The following FGD5 variants were observed in gnomAD, a reference collection of about 807,000 sequenced individuals.
The protein encoded by FGD5 is FYVE, RhoGEF and PH domain containing 5.
In FGD5, 28 loss-of-function variants were observed where a neutral mutation model predicts 133.4. The ratio of observed to expected loss-of-function variants is 0.21; its 90% CI spans 0.16 to 0.29. FGD5 has a LOEUF of 0.29. FGD5 is among the 10% of genes least tolerant of loss of function. The pLI is 1.00. For synonymous variants in FGD5, 810 were observed against 776.5 expected, an observed-to-expected ratio of 1.04 and a Z score of -0.72; for missense variants, 1,858 against 1,895.2, an observed-to-expected ratio of 0.98 and a Z score of 0.36.
At position 14,826,772 on chromosome 3, in the gene FGD5, T is replaced by TCA. The variant is rs141958575; in HGVS notation, c.2525+5191_2525+5192dup. 2.1e-3 allele frequency among the ~76,000 whole-genome samples: 325 copies of TCA among 151,650 alleles called. 7 individuals are homozygous for TCA. The East Asian group carries it at 0.051, about 24-fold the overall frequency. On this transcript the variant is annotated intron_variant, in intron 1 of 19. Transcript: ENST00000285046. ...ATTTCTGTCTGTCTGTCTGTCTCTCTCACACACACACACACAACGACTGTT... is the reference window on the plus strand; with the variant it reads ...ATTTCTGTCTGTCTGTCTGTCTCTCTCACACACACACACACACAACGACTGTT...
intron 17 of FGD5, among the ~76,000 whole-genome samples, chr3:14,925,564 T>C (rs887171733): frequency 2.6e-5 from 4 of 152,112 alleles, no homozygotes; most frequent in African/African-American, 7.2e-5. Flanking sequence ...ACATAAAGCC[T>C]GTGGACAGAA....
chr3:14,907,844 T>C, intron 10 of FGD5, 133 bp downstream of exon 10: 1 of 846,164 alleles, frequency 1.2e-6, no homozygotes, highest in Non-Finnish European at 1.8e-6. Flanking sequence ...GGCAGGCGGG[T>C]GGGCGTGGGC....
At chr3:14,918,647 C>T (rs897344753) in intron 12 of FGD5, 107 bp from the exon 13 acceptor site, 12 of 1,101,564 alleles carry the variant, frequency 1.1e-5, no homozygotes, top group Middle Eastern at 2.6e-4. Context: ...GGCTAGAGAA[C>T]GGCAGTAGGT....
chr3:14,823,086 T>G (rs1221612431), intron 1 of FGD5, among the ~76,000 whole-genome samples: 1 of 152,078 alleles, frequency 6.6e-6, no homozygotes, highest in Non-Finnish European at 1.5e-5. Context: ...TGAGTTTAGT[T>G]TGGAGAATGT....
At chr3:14,881,243 G>C (rs1402922742) in intron 4 of FGD5, among the ~76,000 whole-genome samples, 1 of 152,146 alleles carries the variant, frequency 6.6e-6, no homozygotes, top group African/African-American at 2.4e-5. Context: ...TGCCTGAGCT[G>C]GTGGTGAGGG....
intron 4 of FGD5, among the ~76,000 whole-genome samples, chr3:14,892,638 T>C (rs998229261): frequency 6.6e-6 from 1 of 152,074 alleles, no homozygotes; most frequent in Non-Finnish European, 1.5e-5. Flanking sequence ...GCCAACATGG[T>C]GAAACTCTGT....
At chr3:14,897,311 C>T in intron 4 of FGD5, 198 bp from the exon 5 acceptor site, 1 of 607,550 alleles carries the variant, frequency 1.6e-6, no homozygotes, top group Non-Finnish European at 2.8e-6. Context: ...GGTGTCAGCT[C>T]AGGCAGCCCT....
chr3:14,899,455 C>T (rs935148115), intron 7 of FGD5, among the ~76,000 whole-genome samples: 1 of 152,178 alleles, frequency 6.6e-6, no homozygotes, highest in Admixed American at 6.5e-5. Flanking sequence ...ATTCAGCTGC[C>T]TCCCAAATAG....
intron 1 of FGD5, among the ~76,000 whole-genome samples, chr3:14,850,125 C>T (rs113536018): frequency 8.5e-4 from 130 of 152,358 alleles, no homozygotes; most frequent in Middle Eastern, 3.4e-3. Context: ...CTTCCTGCTT[C>T]GCCTGTGGTC....
At chr3:14,814,874 T>C (rs1295888066), upstream of FGD5, among the ~76,000 whole-genome samples, 2 of 152,156 alleles carry the variant, frequency 1.3e-5, no homozygotes, top group East Asian at 1.9e-4. Context: ...ACTCAAAACC[T>C]TGGTGTCGTT....
rs545526901 is a variant in FGD5, at chr3:14,883,891, G to A, written c.2748+3119G>A. Among the ~76,000 whole-genome samples the A allele has an allele frequency of 5.9e-5, 9 of 152,226 alleles. No individual in the cohort carries two copies. In the South Asian group the frequency reaches 8.3e-4, roughly 14 times the overall value. On this transcript the variant is annotated intron_variant, in intron 4 of 19. Transcript: ENST00000285046. ...AGAGGTGCCACTGAGATGGACTCTC[G>A]GAGTTCACCAGGCCAGGGTAGTGGT...
intron 1 of FGD5, among the ~76,000 whole-genome samples, chr3:14,860,536 G>A (rs1374903333): frequency 6.6e-6 from 1 of 152,152 alleles, no homozygotes; most frequent in Non-Finnish European, 1.5e-5. Context: ...CATCTGCATG[G>A]GCTCCACGAC....
At chr3:14,834,107 A>C (rs73814193) in intron 1 of FGD5, among the ~76,000 whole-genome samples, 5,823 of 152,248 alleles carry the variant, frequency 0.038, 357 homozygotes, top group African/African-American at 0.13. Flanking sequence ...TTTAACAATG[A>C]ATAGGATGCC....
intron 2 of FGD5, among the ~76,000 whole-genome samples, chr3:14,865,901 C>T (rs1002119491): frequency 5.9e-5 from 9 of 152,142 alleles, no homozygotes; most frequent in African/African-American, 1.9e-4. Flanking sequence ...TTGAGTTAGT[C>T]GTGCCCATTT....
chr3:14,831,794 G>C (rs891925500), intron 1 of FGD5, among the ~76,000 whole-genome samples: 3 of 152,234 alleles, frequency 2.0e-5, no homozygotes, highest in Non-Finnish European at 4.4e-5. Context: ...ATTGTCAGCT[G>C]TGTGGGGTGA....
At chr3:14,815,732 C>T (rs2036358791), upstream of FGD5, among the ~76,000 whole-genome samples, 1 of 152,192 alleles carries the variant, frequency 6.6e-6, no homozygotes, top group South Asian at 2.1e-4. Flanking sequence ...CCCTTCTCTG[C>T]TTCACCAGAT....
intron 1 of FGD5, among the ~76,000 whole-genome samples, chr3:14,838,500 AC>A (rs2036860551): frequency 6.6e-6 from 1 of 151,948 alleles, no homozygotes; most frequent in South Asian, 2.1e-4. Context: ...CTGCCATCTG[AC>A]CCCCCAGTGA....
Position 14,821,437 on chromosome 3 carries a change from T to G in FGD5, c.2366T>G (p.Ile789Ser). Residue 789 changes from isoleucine (I) to serine (S), a missense_variant, in exon 1 of 20, where the codon ATT (isoleucine) becomes AGT (serine). Around this residue, in one of 3 missense-constraint regions of FGD5, gnomAD observed 1,824 missense variants for 1,848.9 expected, o/e 0.99. Transcript: ENST00000285046. ...AACTCGGACTATGAGAATATCCAGA[T>G]TCCACCCCGGAGACCTGCCAGGGCT... The part of the protein sequence containing the change: ...AMNSDYENIQ[I>S]PPRRPARAGA... The G allele has an allele frequency of 6.2e-7, 1 of 1,614,012 alleles. No individual in the cohort carries two copies. The highest frequency in any genetic ancestry group is 1.1e-5 in the South Asian group (1 of 91,088).
At chr3:14,890,042 TCAAAGTG>T (rs2037996860) in intron 4 of FGD5, among the ~76,000 whole-genome samples, 1 of 152,138 alleles carries the variant, frequency 6.6e-6, no homozygotes, top group Non-Finnish European at 1.5e-5. Context: ...TTTCAGCCCT[TCAAAGTG>T]TAAAATTTCA....
Sources: allele counts gnomAD v4.1 joint callset (sites outside exome capture counted in the v4.1 genomes callset), GRCh38; gene constraint gnomAD v4.1.1; regional missense constraint gnomAD v4.1.1; transcripts MANE v1.5; gene names NCBI Gene and HGNC (gene_info 2026-07-23, HGNC 2026-07-21).